ATP2C2: variants seen among roughly 807,000 people sequenced by gnomAD.
ATP2C2 encodes the protein ATPase secretory pathway Ca2+ transporting 2, also known as calcium-transporting ATPase type 2C member 2.
ATP2C2 carries 171 observed loss-of-function variants against 110.8 expected under a neutral mutation model. The ratio of observed to expected loss-of-function variants is 1.54; its 90% CI spans 1.36 to 1.75. ATP2C2 has a LOEUF of 1.75. Ranked by LOEUF, ATP2C2 falls within the 40% of genes most tolerant of loss-of-function variation. ATP2C2 has a pLI of 0.00. For synonymous variants in ATP2C2, 804 were observed against 508.4 expected (o/e 1.58, Z -7.82); for missense variants, 1,963 against 1,235.0 (o/e 1.59, Z -8.84).
chr16:84,432,089 G>C (rs961296218), intron 11 of ATP2C2, among the ~76,000 whole-genome samples: 5 of 152,076 alleles, frequency 3.3e-5, no homozygotes, highest in African/African-American at 1.2e-4. Context: ...GCTGGGTGGG[G>C]CCCGAGACTC....
chr16:84,443,717 G>C (rs1421644790), intron 15 of ATP2C2, among the ~76,000 whole-genome samples: 1 of 152,122 alleles, frequency 6.6e-6, no homozygotes, highest in African/African-American at 2.4e-5. Flanking sequence ...TCACTTCACT[G>C]CCTTCTGTTA....
At chr16:84,437,962 A>C (rs184956091) in intron 11 of ATP2C2, among the ~76,000 whole-genome samples, 2 of 152,298 alleles carry the variant, frequency 1.3e-5, no homozygotes, top group Admixed American at 1.3e-4. Flanking sequence ...TCCCTTATGA[A>C]TGGACTCGTG....
At chr16:84,395,354 G>C (rs180965891) in intron 1 of ATP2C2, among the ~76,000 whole-genome samples, 14 of 152,168 alleles carry the variant, frequency 9.2e-5, no homozygotes, top group Admixed American at 9.2e-4. Context: ...ATTCCCCAGG[G>C]ACATGTGGGT....
Position 84,460,832 on chromosome 16 carries a change from A to C in ATP2C2, c.2481+31A>C, listed in dbSNP as rs752822565. The C allele has an allele frequency of 1.1e-5, 18 of 1,593,332 alleles. No individual in the cohort carries two copies. In the African/African-American group the frequency reaches 2.4e-4, roughly 21 times the overall value. ...CGAGGGTCACCCCGGCCTGTTCTCC[A>C]AGCCCTGGTGCGGTGCAGACGCTGG... On this transcript the variant is annotated intron_variant, in intron 24 of 26. Transcript: ENST00000262429.
intron 6 of ATP2C2, among the ~76,000 whole-genome samples, chr16:84,411,890 C>T (rs1418650479): frequency 4.6e-5 from 7 of 152,036 alleles, no homozygotes; most frequent in South Asian, 4.1e-4. Context: ...AGCTGACAGG[C>T]CCAGGAGGGA....
At chr16:84,398,649 G>C (rs569268651) in intron 2 of ATP2C2, 40 bp downstream of exon 2, 2 of 1,501,402 alleles carry the variant, frequency 1.3e-6, no homozygotes, top group East Asian at 4.6e-5. Context: ...TTGTGATAAG[G>C]TTTTATGTTT....
At chr16:84,389,520 T>C (rs1567689486) in intron 1 of ATP2C2, among the ~76,000 whole-genome samples, 1 of 152,188 alleles carries the variant, frequency 6.6e-6, no homozygotes, top group South Asian at 2.1e-4. Context: ...TGGAAAATCA[T>C]CTGGTGTTTA....
intron 6 of ATP2C2, among the ~76,000 whole-genome samples, chr16:84,413,141 G>A (rs373876434): frequency 6.6e-6 from 1 of 151,548 alleles, no homozygotes. Context: ...GGGTGTCTGG[G>A]AACAACTCAG....
chr16:84,399,697 G>A (rs2061789), intron 2 of ATP2C2, among the ~76,000 whole-genome samples: 65,229 of 151,884 alleles, frequency 0.43, 14,911 homozygotes, highest in East Asian at 0.62. Context: ...ACAGGCATAC[G>A]CTATAATAAT....
intron 3 of ATP2C2, chr16:84,406,693 C>A: frequency 1.0e-6 from 1 of 972,534 alleles, no homozygotes; most frequent in Non-Finnish European, 1.2e-6. Context: ...CCTAAAACTG[C>A]AGGGCTGAGA....
chr16:84,448,622 G>T lies in ATP2C2; in HGVS notation c.1593G>T (p.Pro531=), dbSNP rs141997148. ...TMYNNGGIPL[P]LTPQQRSFCL... Reference sequence around the variant, plus strand: ...ACAACAACGGGGGCATCCCCCTGCCGCTGACGCCCCAGCAGAGGTCATTCT... The same window carrying T: ...ACAACAACGGGGGCATCCCCCTGCCTCTGACGCCCCAGCAGAGGTCATTCT... The change falls in exon 17 of 27, where the codon CCG becomes CCT. Residue 531 remains proline (P), a synonymous_variant. Coordinates refer to ENST00000262429, the MANE Select transcript of ATP2C2 (RefSeq NM_014861.4). The T allele has an allele frequency of 2.5e-6, 4 of 1,614,008 alleles. No individual in the cohort carries two copies. Among genetic ancestry groups the T allele is most frequent in the South Asian group, 2.2e-5 (2 of 91,030 alleles).
Position 84,463,798 on chromosome 16 carries a change from G to A in ATP2C2, c.*66G>A, listed in dbSNP as rs138830565. 3.5e-4 allele frequency: 496 copies of A among 1,398,762 alleles called. 6 individuals carry two copies. In the African/African-American group the frequency reaches 6.2e-3, roughly 17 times the overall value. The allele number at this position is 1,398,762 out of a possible 1,614,324, so 86.6% of individuals were successfully genotyped here. ...TGGTTGTGACTGTGGCCCCTGCCGTGTCTCCTCGTCAGGGGAGACTTTTAG... is the reference window on the plus strand; with the variant it reads ...TGGTTGTGACTGTGGCCCCTGCCGTATCTCCTCGTCAGGGGAGACTTTTAG... On this transcript the variant is annotated 3_prime_UTR_variant, in exon 27 of 27. Coordinates refer to ENST00000262429, the MANE Select transcript of ATP2C2 (RefSeq NM_014861.4).
In ATP2C2 at chr16:84,460,683, C is replaced by G; in HGVS notation, c.2363C>G (p.Ala788Gly). Residue 788 changes from alanine (A) to glycine (G), a missense_variant, in exon 24 of 27, where the codon GCC becomes GGC. By Grantham distance (60) the Ala-to-Gly change is moderately conservative. Coordinates refer to ENST00000262429, the MANE Select transcript of ATP2C2 (RefSeq NM_014861.4). ...SLGVEPVDKD[A>G]FRQPPRSVRD... is the part of the protein sequence containing the mutation. ...GGGGTAGAGCCCGTTGACAAAGACGCCTTCAGGCAGCCACCACGGAGTGTG... is the reference window on the plus strand; with the variant it reads ...GGGGTAGAGCCCGTTGACAAAGACGGCTTCAGGCAGCCACCACGGAGTGTG... 3.7e-6 allele frequency: 6 copies of G among 1,614,232 alleles called. No homozygotes were observed. Among genetic ancestry groups the G allele is most frequent in the Non-Finnish European group, 5.1e-6 (6 of 1,180,048 alleles).
chr16:84,455,329 A>C (rs72806647), intron 21 of ATP2C2, among the ~76,000 whole-genome samples: 15,479 of 152,186 alleles, frequency 0.1, 1,014 homozygotes, highest in Non-Finnish European at 0.14. Context: ...TGAATATGTA[A>C]GGAAAACCTG....
At chr16:84,421,006 G>T (rs1346604851) in intron 7 of ATP2C2, among the ~76,000 whole-genome samples, 1 of 152,050 alleles carries the variant, frequency 6.6e-6, no homozygotes, top group Non-Finnish European at 1.5e-5. Flanking sequence ...GGGTTTCACT[G>T]TGTTGGCCAG....
Position 84,422,645 on chromosome 16 carries a change from C to G in ATP2C2, c.791C>G (p.Thr264Arg). The change falls in exon 9 of 27, where the codon ACA becomes AGA. Residue 264 changes from threonine (T) to arginine (R), a missense_variant. Physicochemically the swap from Thr to Arg is moderately conservative, Grantham distance 71. Transcript: ENST00000262429. ...TGGACACAGGGGGTCGTGATTGGAA[C>G]AGGGGAAAGCTCTCAGTTCGGAGAA... ...YGRGQGVVIG[T>R]GESSQFGEVF... 3 of 1,613,540 alleles carry G rather than the reference C, an allele frequency of 1.9e-6. No homozygotes were observed. The African/African-American group carries it at 4.0e-5, about 22-fold the overall frequency.
At chr16:84,428,279 T>C (rs1638641420) in intron 11 of ATP2C2, among the ~76,000 whole-genome samples, 1 of 152,256 alleles carries the variant, frequency 6.6e-6, no homozygotes. Flanking sequence ...CTTGCCTGTG[T>C]ATACATGAAT....
chr16:84,376,246 A>T (rs983579138), intron 1 of ATP2C2, among the ~76,000 whole-genome samples: 3 of 152,172 alleles, frequency 2.0e-5, no homozygotes, highest in Non-Finnish European at 2.9e-5. Flanking sequence ...TCTCTGGTTC[A>T]AGGAAGGCAG....
intron 1 of ATP2C2, among the ~76,000 whole-genome samples, chr16:84,386,715 C>A (rs957914753): frequency 6.6e-5 from 10 of 152,158 alleles, no homozygotes; most frequent in Non-Finnish European, 1.2e-4. Context: ...GCTGAAATTT[C>A]AGAAGCCCTT....
Sources: allele counts gnomAD v4.1 joint callset (sites outside exome capture counted in the v4.1 genomes callset), GRCh38; gene constraint gnomAD v4.1.1; transcripts MANE v1.5; gene names NCBI Gene and HGNC (gene_info 2026-07-23, HGNC 2026-07-21).